The following ATP11C variants were observed in gnomAD, a reference collection of about 807,000 sequenced individuals.
ATP11C encodes the protein phospholipid-transporting ATPase IG.
In ATP11C, 36 loss-of-function variants were observed where a neutral mutation model predicts 97.4. The ratio of observed to expected loss-of-function variants is 0.37; its 90% CI spans 0.28 to 0.49. The LOEUF is 0.49. Among genes scored for constraint, ATP11C ranks in the 20% least tolerant of loss-of-function variants. ATP11C has a pLI of 0.98. For missense variants in ATP11C, 730 were observed against 824.6 expected (o/e 0.89, Z 1.40); for synonymous variants, 275 against 290.9 (o/e 0.95, Z 0.56).
At chrX:139,773,813 G>C (rs1014101418) in intron 19 of ATP11C, among the ~76,000 whole-genome samples, 2 of 112,071 alleles carry the variant, frequency 1.8e-5, no homozygotes, top group African/African-American at 3.2e-5. Context: ...TCTGGAATTG[G>C]AGAGACTTTC....
chrX:139,828,595 A>G (rs1164382653), intron 1 of ATP11C, among the ~76,000 whole-genome samples: 1 of 111,882 alleles, frequency 8.9e-6, no homozygotes, highest in Non-Finnish European at 1.9e-5. Context: ...CCACGTATAC[A>G]TTGCAATTTG....
intron 1 of ATP11C, among the ~76,000 whole-genome samples, chrX:139,928,952 ATTGTTTTTAGACT>A (rs2085393412): frequency 8.9e-6 from 1 of 112,295 alleles, no homozygotes; most frequent in South Asian, 3.7e-4. Context: ...AGAGGGGGGA[ATTGTTTTTAGACT>A]TTCAATAAAT....
At chrX:139,853,106 G>A (rs1211859134) in intron 1 of ATP11C, among the ~76,000 whole-genome samples, 1 of 111,647 alleles carries the variant, frequency 9.0e-6, no homozygotes, top group Non-Finnish European at 1.9e-5. Context: ...GGTTTCAGGG[G>A]TTGAGACTTC....
chrX:139,899,503 A>AT (rs2084863436), intron 1 of ATP11C, among the ~76,000 whole-genome samples: 1 of 110,107 alleles, frequency 9.1e-6, no homozygotes, highest in Non-Finnish European at 1.9e-5. Context: ...GTAATGTGGC[A>AT]TTTTGGAAGG....
intron 1 of ATP11C, among the ~76,000 whole-genome samples, chrX:139,852,833 A>C (rs2084020468): frequency 9.0e-6 from 1 of 110,827 alleles, no homozygotes; most frequent in African/African-American, 3.3e-5. Flanking sequence ...ACGAGTGGGA[A>C]GTGTGCAAAG....
intron 1 of ATP11C, among the ~76,000 whole-genome samples, chrX:139,836,440 G>A (rs2083751276): frequency 9.0e-6 from 1 of 110,940 alleles, no homozygotes; most frequent in South Asian, 3.9e-4. Flanking sequence ...GCTTGAGCCT[G>A]GGAGCCGGAG....
At chrX:139,811,229 A>G (rs1262520413) in intron 5 of ATP11C, among the ~76,000 whole-genome samples, 1 of 111,757 alleles carries the variant, frequency 8.9e-6, no homozygotes, top group Non-Finnish European at 1.9e-5. Context: ...AAGTCCTATT[A>G]TAAGTCTCAT....
chrX:139,761,884 GGAA>G, intron 22 of ATP11C, 74 bp downstream of exon 22: 2 of 714,041 alleles, frequency 2.8e-6, no homozygotes, highest in East Asian at 4.1e-5. Context: ...AAAAAAAAAA[GGAA>G]GAACAAAACC....
intron 6 of ATP11C, 38 bp downstream of exon 6, chrX:139,804,433 C>G (rs780565314): frequency 4.5e-5 from 51 of 1,146,032 alleles, no homozygotes; most frequent in Admixed American, 6.9e-5. Context: ...ATTAACTATC[C>G]TGAGATCAAA....
At chrX:139,809,737 G>A (rs2083127922) in intron 5 of ATP11C, among the ~76,000 whole-genome samples, 1 of 111,554 alleles carries the variant, frequency 9.0e-6, no homozygotes, top group East Asian at 2.9e-4. Flanking sequence ...GCTGAGGCGG[G>A]CAGATCACCT....
At chrX:139,885,338 G>C (rs2084624469) in intron 1 of ATP11C, 1 of 110,940 alleles carries the variant, frequency 9.0e-6, no homozygotes, top group Non-Finnish European at 1.9e-5. Context: ...CAAATTGTTT[G>C]ATGGACCTCA....
intron 19 of ATP11C, among the ~76,000 whole-genome samples, chrX:139,769,287 T>C (rs1434951922): frequency 3.9e-5 from 1 of 25,883 alleles, no homozygotes; most frequent in South Asian, 2.0e-3. Context: ...CATACATATA[T>C]ATATATATAT....
rs1314267154 is a variant in ATP11C, at chrX:139,932,682, T to C, written c.-640A>G. On this transcript the variant is annotated 5_prime_UTR_variant, in exon 1 of 30. Transcript: ENST00000682941. Reference sequence around the variant, plus strand: ...GCGCCGTTTCGCTCGCAGCCCCTCCTCGGTCCGCGGCTGCCGCGCCGCCCC... The same window carrying C: ...GCGCCGTTTCGCTCGCAGCCCCTCCCCGGTCCGCGGCTGCCGCGCCGCCCC... The C allele has an allele frequency of 9.0e-6, 1 of 111,674 alleles. No individual in the cohort carries two copies. Among genetic ancestry groups the C allele is most frequent in the Admixed American group, 9.4e-5 (1 of 10,690 alleles). 9.2% of individuals were successfully genotyped at this position (111,674 alleles called of 1,213,427 possible).
intron 19 of ATP11C, among the ~76,000 whole-genome samples, chrX:139,770,214 T>C (rs1025165219): frequency 8.9e-6 from 1 of 111,851 alleles, no homozygotes; most frequent in Non-Finnish European, 1.9e-5. Context: ...TTATGGAGAA[T>C]AGAAAATCTC....
intron 1 of ATP11C, among the ~76,000 whole-genome samples, chrX:139,869,619 TAAAAAA>T (rs72160192): frequency 1.8e-5 from 1 of 54,200 alleles, no homozygotes; most frequent in Admixed American, 2.4e-4. Flanking sequence ...CCCTCTCTAC[TAAAAAA>T]AAAAAAAAAA....
At chrX:139,823,930 T>C (rs1345220364) in intron 2 of ATP11C, among the ~76,000 whole-genome samples, 1 of 109,650 alleles carries the variant, frequency 9.1e-6, no homozygotes, top group Non-Finnish European at 1.9e-5. Context: ...AAGACTAATA[T>C]CCAGAATCTA....
At chrX:139,776,244 G>A (rs1397079987) in intron 18 of ATP11C, among the ~76,000 whole-genome samples, 3 of 111,844 alleles carry the variant, frequency 2.7e-5, no homozygotes, top group African/African-American at 9.8e-5. Flanking sequence ...CACCTTTTTC[G>A]CAGTGGCTCT....
intron 1 of ATP11C, among the ~76,000 whole-genome samples, chrX:139,863,995 T>A (rs1357223787): frequency 2.7e-5 from 3 of 109,383 alleles, no homozygotes; most frequent in Non-Finnish European, 5.7e-5. Flanking sequence ...ACCCTGGAGG[T>A]TGAGGCTGCA....
chrX:139,835,720 T>C (rs1237419378), intron 1 of ATP11C, among the ~76,000 whole-genome samples: 5 of 107,122 alleles, frequency 4.7e-5, no homozygotes, highest in Non-Finnish European at 9.6e-5. Context: ...GGACGGACTT[T>C]CTAGCAATAA....
Sources: gnomAD v4.1 joint callset for allele counts (sites outside exome capture counted in the v4.1 genomes callset) on GRCh38, gnomAD v4.1.1 for gene constraint, MANE v1.5 for transcripts, NCBI Gene and HGNC (gene_info 2026-07-23, HGNC 2026-07-21) for gene names.